DDX10: variants seen among roughly 807,000 people sequenced by gnomAD.
DDX10 encodes the protein probable ATP-dependent RNA helicase DDX10.
Under a neutral mutation model 104.3 loss-of-function variants are expected in DDX10, and 74 were observed. That is an observed-to-expected ratio of 0.71 (90% CI 0.59 to 0.86). The LOEUF (loss-of-function observed/expected upper bound fraction) is 0.86, where lower values mean the gene tolerates loss of function less well. DDX10 is among the 40% of genes least tolerant of loss of function. The probability of loss-of-function intolerance (pLI) is 0.00; values close to 1 mark genes in which losing one functional copy is unlikely to be tolerated. For synonymous variants in DDX10, 351 were observed against 353.4 expected (o/e 0.99, Z 0.08); for missense variants, 952 against 1,040.0 (o/e 0.92, Z 1.16).
intron 11 of DDX10, 93 bp downstream of exon 11, chr11:108,716,059 A>G: frequency 1.4e-6 from 1 of 735,780 alleles, no homozygotes. Flanking sequence ...TTTATGCTTC[A>G]GATATTCAAG....
At chr11:108,883,789 C>G (rs1591109652) in intron 16 of DDX10, among the ~76,000 whole-genome samples, 1 of 152,340 alleles carries the variant, frequency 6.6e-6, no homozygotes, top group Non-Finnish European at 1.5e-5. Flanking sequence ...CTTTATTTTA[C>G]TGGACCTCTC....
intron 13 of DDX10, among the ~76,000 whole-genome samples, chr11:108,780,664 A>C (rs1050405575): frequency 6.6e-6 from 1 of 152,214 alleles, no homozygotes; most frequent in Admixed American, 6.5e-5. Flanking sequence ...ACATTGAAAT[A>C]ATACTTTCTC....
chr11:108,719,934 G>C, intron 12 of DDX10, 49 bp downstream of exon 12: 1 of 1,132,858 alleles, frequency 8.8e-7, no homozygotes, highest in South Asian at 1.2e-5. Context: ...AGGTTAGAGG[G>C]AATTAATTAA....
At chr11:108,674,111 C>T (rs1488484764) in intron 2 of DDX10, among the ~76,000 whole-genome samples, 1 of 152,020 alleles carries the variant, frequency 6.6e-6, no homozygotes, top group African/African-American at 2.4e-5. Flanking sequence ...ATCACAGGGT[C>T]AGGAGTTTGA....
At chr11:108,754,806 A>G (rs1045763582) in intron 13 of DDX10, among the ~76,000 whole-genome samples, 4 of 152,040 alleles carry the variant, frequency 2.6e-5, no homozygotes, top group Non-Finnish European at 5.9e-5. Flanking sequence ...TCACTATTCT[A>G]TCCCTTGTGC....
At chr11:108,881,908 A>T (rs963538221) in intron 16 of DDX10, among the ~76,000 whole-genome samples, 5 of 152,050 alleles carry the variant, frequency 3.3e-5, no homozygotes, top group South Asian at 2.1e-4. Context: ...TAATTAAAAA[A>T]ATTTTTTTTG....
intron 9 of DDX10, among the ~76,000 whole-genome samples, chr11:108,699,880 G>A (rs186603915): frequency 4.3e-4 from 65 of 152,260 alleles, no homozygotes; most frequent in African/African-American, 1.6e-3. Context: ...CCAAATTAGG[G>A]CATGCTCTGG....
At chr11:108,904,828 T>C (rs971169772) in intron 16 of DDX10, among the ~76,000 whole-genome samples, 8 of 152,162 alleles carry the variant, frequency 5.3e-5, no homozygotes, top group Non-Finnish European at 8.8e-5. Context: ...GGCTATTTTA[T>C]GAATTATTGA....
intron 13 of DDX10, among the ~76,000 whole-genome samples, chr11:108,831,440 A>G (rs1283156951): frequency 1.3e-5 from 2 of 151,128 alleles, no homozygotes; most frequent in East Asian, 1.9e-4. Flanking sequence ...AAAAAAAAAA[A>G]AAAAAGAAAT....
At chr11:108,763,664 A>G (rs2094353325) in intron 13 of DDX10, among the ~76,000 whole-genome samples, 1 of 152,182 alleles carries the variant, frequency 6.6e-6, no homozygotes, top group South Asian at 2.1e-4. Flanking sequence ...TGATGAAAGA[A>G]AAGTGGACTT....
chr11:108,774,130 T>C (rs141272200), intron 13 of DDX10, among the ~76,000 whole-genome samples: 16 of 152,256 alleles, frequency 1.1e-4, no homozygotes, highest in African/African-American at 3.8e-4. Flanking sequence ...GCTTGTTGTC[T>C]TACTTGTTAC....
intron 16 of DDX10, among the ~76,000 whole-genome samples, chr11:108,871,232 A>T (rs550281769): frequency 6.6e-6 from 1 of 152,274 alleles, no homozygotes; most frequent in Admixed American, 6.5e-5. Flanking sequence ...CCATACAAGC[A>T]TGACACTTAG....
chr11:108,807,928 A>C (rs994852224), intron 13 of DDX10, among the ~76,000 whole-genome samples: 6 of 152,230 alleles, frequency 3.9e-5, no homozygotes, highest in Admixed American at 3.9e-4. Flanking sequence ...TGGAAGGTAA[A>C]TTAGAAAAGT....
At chr11:108,807,392 A>T (rs954913428) in intron 13 of DDX10, among the ~76,000 whole-genome samples, 7 of 152,142 alleles carry the variant, frequency 4.6e-5, no homozygotes, top group Non-Finnish European at 1.0e-4. Context: ...GCCAGGTGAG[A>T]GAGACTCGAG....
intron 16 of DDX10, among the ~76,000 whole-genome samples, chr11:108,869,454 G>A (rs1202249842): frequency 6.6e-6 from 1 of 152,096 alleles, no homozygotes; most frequent in Non-Finnish European, 1.5e-5. Context: ...TGTCAATTGT[G>A]AATTGTTACA....
chr11:108,821,818 T>C (rs565582148), intron 13 of DDX10, among the ~76,000 whole-genome samples: 1 of 152,268 alleles, frequency 6.6e-6, no homozygotes, highest in East Asian at 1.9e-4. Flanking sequence ...GGAACCATTT[T>C]AGATAAAAGG....
intron 1 of DDX10, among the ~76,000 whole-genome samples, chr11:108,665,775 C>A (rs2094209315): frequency 6.6e-6 from 1 of 152,084 alleles, no homozygotes; most frequent in South Asian, 2.1e-4. Flanking sequence ...GAATCTTTCA[C>A]GCTTAGTAGG....
At chr11:108,917,728 GA>G (rs1271388940) in intron 16 of DDX10, 144 bp from the exon 17 acceptor site, 3 of 715,838 alleles carry the variant, frequency 4.2e-6, no homozygotes, top group Non-Finnish European at 6.9e-6. Context: ...TTGTGGTTCT[GA>G]AAGTCACATA....
chr11:108,884,656 C>G (rs1863271353), intron 16 of DDX10, among the ~76,000 whole-genome samples: 1 of 152,194 alleles, frequency 6.6e-6, no homozygotes, highest in African/African-American at 2.4e-5. Context: ...GTTTCTCTAA[C>G]TCTCTATCCC....
Sources: gnomAD v4.1 joint callset for allele counts (sites outside exome capture counted in the v4.1 genomes callset) on GRCh38, gnomAD v4.1.1 for gene constraint, MANE v1.5 for transcripts, NCBI Gene and HGNC (gene_info 2026-07-23, HGNC 2026-07-21) for gene names.